RUNDC3B: variants seen among roughly 807,000 people sequenced by gnomAD.
RUNDC3B encodes RUN domain-containing protein 3B.
A neutral mutation model predicts 58.4 loss-of-function variants in RUNDC3B; 33 were observed. The ratio of observed to expected loss-of-function variants is 0.56; its 90% CI spans 0.43 to 0.75. The LOEUF is 0.75. Ranked by LOEUF, RUNDC3B falls within the 30% of genes least tolerant of loss-of-function variation. The probability of loss-of-function intolerance (pLI) is 0.00; values close to 1 mark genes in which losing one functional copy is unlikely to be tolerated. For synonymous variants in RUNDC3B, 193 were observed against 195.2 expected (o/e 0.99, Z 0.10); for missense variants, 501 against 535.7 (o/e 0.94, Z 0.64).
At chr7:87,707,906 TGAG>T (rs1391800040) in intron 3 of RUNDC3B, among the ~76,000 whole-genome samples, 1 of 151,922 alleles carries the variant, frequency 6.6e-6, no homozygotes, top group Non-Finnish European at 1.5e-5. Context: ...TGAGTGAAAC[TGAG>T]GAGAACTTCT....
chr7:87,684,746 C>CAAAAAAAAAAAAAAAAAA (rs71524694), intron 2 of RUNDC3B, among the ~76,000 whole-genome samples: 9 of 37,792 alleles, frequency 2.4e-4, no homozygotes, highest in Admixed American at 4.1e-4. Context: ...GACTCCGTCT[C>CAAAAAAAAAAAAAAAAAA]AAAAAAAAAA....
chr7:87,706,708 G>C (rs1829623589), intron 3 of RUNDC3B, among the ~76,000 whole-genome samples: 1 of 152,154 alleles, frequency 6.6e-6, no homozygotes, highest in Admixed American at 6.5e-5. Context: ...TGTGGAGGTG[G>C]AGATTTTTAT....
At chr7:87,693,992 G>A (rs766387998) in intron 2 of RUNDC3B, 1 of 1,610,476 alleles carries the variant, frequency 6.2e-7, no homozygotes, top group South Asian at 1.1e-5. Flanking sequence ...CCGCCACTGA[G>A]CTGCACGGGA....
At position 87,794,668 on chromosome 7, in the gene RUNDC3B, C is replaced by A. The variant is rs147408050; in HGVS notation, c.957-12705C>A. On this transcript the variant is annotated intron_variant, in intron 8 of 10. Transcript: ENST00000394654. Reference sequence around the variant, plus strand: ...AACATTTTTATGGAACCACAAAAAACCCAGAATAGCTAAAGCTATCTTGAA... The same window carrying A: ...AACATTTTTATGGAACCACAAAAAAACCAGAATAGCTAAAGCTATCTTGAA... 7.5e-5 allele frequency among the ~76,000 whole-genome samples: 11 copies of A among 146,634 alleles called. No individual in the cohort carries two copies. The East Asian group carries it at 7.8e-4, about 10-fold the overall frequency.
At position 87,829,465 on chromosome 7, in the gene RUNDC3B, GCTTA is replaced by G. The variant is rs1838017752; in HGVS notation, c.1226-416_1226-413del. Among the ~76,000 whole-genome samples the G allele has an allele frequency of 2.6e-5, 4 of 152,030 alleles. No homozygotes were observed. In the South Asian group the frequency reaches 8.3e-4, roughly 32 times the overall value. ...TTGAATAGAGAGTCTTTTTCCCATTGCTTACTTTTGTCAACTTTGTCAAACATCA... is the reference window on the plus strand; with the variant it reads ...TTGAATAGAGAGTCTTTTTCCCATTGCTTTTGTCAACTTTGTCAAACATCA... On this transcript the variant is annotated intron_variant, in intron 10 of 10. Coordinates refer to ENST00000394654, the MANE Select transcript of RUNDC3B (RefSeq NM_001134405.2).
At chr7:87,794,916 C>T (rs1020011055) in intron 8 of RUNDC3B, among the ~76,000 whole-genome samples, 12 of 152,168 alleles carry the variant, frequency 7.9e-5, no homozygotes, top group South Asian at 2.1e-4. Context: ...ACCAGATATC[C>T]GTATACTGAA....
intron 3 of RUNDC3B, among the ~76,000 whole-genome samples, chr7:87,703,885 CTTTTTTTTTT>C: frequency 4.8e-4 from 29 of 60,290 alleles, no homozygotes; most frequent in African/African-American, 1.8e-3. Context: ...TCAGTTTTTT[CTTTTTTTTTT>C]TTTTTTTTTT....
chr7:87,770,419 A>AT (rs896724964), intron 6 of RUNDC3B, among the ~76,000 whole-genome samples, 162 bp from the exon 7 acceptor site: 30 of 149,018 alleles, frequency 2.0e-4, no homozygotes, highest in East Asian at 3.9e-4. Flanking sequence ...CTAACTTGCC[A>AT]TTTTTTTTTC....
chr7:87,665,547 T>G (rs758537696), intron 2 of RUNDC3B, among the ~76,000 whole-genome samples: 6 of 152,152 alleles, frequency 3.9e-5, no homozygotes, highest in Non-Finnish European at 5.9e-5. Context: ...TATTTCCTTT[T>G]TTAAACTTTT....
intron 6 of RUNDC3B, among the ~76,000 whole-genome samples, chr7:87,744,825 G>C (rs1375311038): frequency 6.6e-6 from 1 of 152,110 alleles, no homozygotes; most frequent in African/African-American, 2.4e-5. Context: ...TCTCCTGATT[G>C]CTCTAGCTAG....
intron 1 of RUNDC3B, among the ~76,000 whole-genome samples, chr7:87,635,001 A>G (rs1176920916): frequency 6.6e-6 from 1 of 152,180 alleles, no homozygotes; most frequent in Non-Finnish European, 1.5e-5. Context: ...AACTGCATTC[A>G]TATTAATTGA....
chr7:87,801,881 A>C (rs556358212), intron 8 of RUNDC3B, among the ~76,000 whole-genome samples: 1 of 152,380 alleles, frequency 6.6e-6, no homozygotes, highest in Non-Finnish European at 1.5e-5. Context: ...TTAGCAAATT[A>C]CATAATGAAC....
intron 3 of RUNDC3B, chr7:87,709,211 T>C (rs1829858564): frequency 1.2e-5 from 12 of 983,082 alleles, no homozygotes; most frequent in Non-Finnish European, 1.4e-5. Flanking sequence ...GAAGCAAGAT[T>C]TTCCCTACAT....
intron 2 of RUNDC3B, among the ~76,000 whole-genome samples, chr7:87,685,695 A>G (rs1827390939): frequency 6.6e-6 from 1 of 152,172 alleles, no homozygotes; most frequent in African/African-American, 2.4e-5. Context: ...GGGGTTGACA[A>G]GCATCATGAT....
At chr7:87,742,019 G>C (rs1053955794) in intron 6 of RUNDC3B, among the ~76,000 whole-genome samples, 1 of 152,066 alleles carries the variant, frequency 6.6e-6, no homozygotes, top group African/African-American at 2.4e-5. Flanking sequence ...TAAATTATCT[G>C]AAAAATCTGA....
chr7:87,709,609 T>C, intron 3 of RUNDC3B: 1 of 647,106 alleles, frequency 1.5e-6, no homozygotes, highest in Non-Finnish European at 1.9e-6. Flanking sequence ...CTGCCTATAT[T>C]GACTCCTTTG....
At chr7:87,759,871 C>T (rs910764511) in intron 6 of RUNDC3B, among the ~76,000 whole-genome samples, 1 of 151,740 alleles carries the variant, frequency 6.6e-6, no homozygotes, top group Middle Eastern at 3.5e-3. Flanking sequence ...ATGCCTGTAT[C>T]AAAACATCAT....
intron 6 of RUNDC3B, among the ~76,000 whole-genome samples, chr7:87,746,955 C>G (rs1157160975): frequency 6.6e-6 from 1 of 152,172 alleles, no homozygotes; most frequent in African/African-American, 2.4e-5. Flanking sequence ...TGACTAACCT[C>G]CTGAATTCTT....
At chr7:87,643,299 G>A (rs539352455) in intron 1 of RUNDC3B, among the ~76,000 whole-genome samples, 2 of 152,182 alleles carry the variant, frequency 1.3e-5, no homozygotes, top group South Asian at 4.2e-4. Flanking sequence ...ATGTTTCAGG[G>A]TACAAATTTC....
Sources: allele counts gnomAD v4.1 joint callset (sites outside exome capture counted in the v4.1 genomes callset), GRCh38; gene constraint gnomAD v4.1.1; transcripts MANE v1.5; gene names NCBI Gene and HGNC (gene_info 2026-07-23, HGNC 2026-07-21).